Variants in XKR9 observed in about 807,000 individuals in gnomAD.
The protein encoded by XKR9 is XK-related protein 9.
A neutral mutation model predicts 32.0 loss-of-function variants in XKR9; 32 were observed. That is an observed-to-expected ratio of 1.00 (90% CI 0.76 to 1.34). The LOEUF (loss-of-function observed/expected upper bound fraction) is 1.34. Among genes scored for constraint, XKR9 ranks in the 40% most tolerant of loss-of-function variants. The pLI is 0.00. For synonymous variants in XKR9, 168 were observed against 143.4 expected (o/e 1.17, Z -1.22); for missense variants, 546 against 429.7 (o/e 1.27, Z -2.39).
the XKR9 span, among the ~76,000 whole-genome samples, chr8:71,054,457 C>A: frequency 6.6e-6 from 1 of 152,170 alleles, no homozygotes; most frequent in Non-Finnish European, 1.5e-5. Context: ...CATCTCTGCT[C>A]TGAGGTGATG....
the XKR9 span, among the ~76,000 whole-genome samples, chr8:70,885,887 C>T: frequency 2.6e-4 from 40 of 151,680 alleles, no homozygotes; most frequent in African/African-American, 4.6e-4. Context: ...TGAGCCATTG[C>T]GCCCGGACTT....
intron 2 of XKR9, among the ~76,000 whole-genome samples, chr8:70,756,360 T>G (rs761326757): frequency 1.3e-5 from 2 of 152,234 alleles, no homozygotes; most frequent in Non-Finnish European, 2.9e-5. Flanking sequence ...CCCTTGCAAT[T>G]TCATATGAAT....
At chr8:70,775,450 T>C (rs1807505882) in intron 2 of XKR9, among the ~76,000 whole-genome samples, 1 of 152,124 alleles carries the variant, frequency 6.6e-6, no homozygotes. Context: ...GCTGTAGATA[T>C]TTAGTAGATA....
chr8:70,896,191 GT>G, the XKR9 span, among the ~76,000 whole-genome samples: 9 of 151,854 alleles, frequency 5.9e-5, no homozygotes, highest in Non-Finnish European at 1.3e-4. Context: ...TCTTTTTCTG[GT>G]TTTGATATTA....
At chr8:70,811,412 C>G in the XKR9 span, among the ~76,000 whole-genome samples, 59 of 152,220 alleles carry the variant, frequency 3.9e-4, no homozygotes, top group South Asian at 3.7e-3. Context: ...CATTCAAAAG[C>G]TAGCAGAAGG....
chr8:70,974,736 A>G, the XKR9 span, among the ~76,000 whole-genome samples: 2 of 152,172 alleles, frequency 1.3e-5, no homozygotes, highest in Admixed American at 6.5e-5. Flanking sequence ...ATGATTTATA[A>G]TCCTTTGGGT....
At chr8:70,776,176 G>T (rs1194099724) in intron 2 of XKR9, among the ~76,000 whole-genome samples, 1 of 152,072 alleles carries the variant, frequency 6.6e-6, no homozygotes, top group Admixed American at 6.6e-5. Context: ...CTCTTTGCAA[G>T]TGAAGTCATC....
the XKR9 span, among the ~76,000 whole-genome samples, chr8:71,048,098 T>A: frequency 6.6e-6 from 1 of 151,994 alleles, no homozygotes; most frequent in Non-Finnish European, 1.5e-5. Context: ...TGTGAGGGAG[T>A]GACTGAAAAA....
the XKR9 span, among the ~76,000 whole-genome samples, chr8:71,015,517 CT>C: frequency 4.3e-4 from 66 of 152,226 alleles, no homozygotes; most frequent in African/African-American, 1.5e-3. Context: ...CAAAATGTGT[CT>C]TGATTTGGTC....
chr8:70,889,131 G>T, the XKR9 span, among the ~76,000 whole-genome samples: 1 of 151,088 alleles, frequency 6.6e-6, no homozygotes, highest in Non-Finnish European at 1.5e-5. Context: ...TCTTTCATCA[G>T]TGTTTTATAG....
chr8:71,030,688 C>A, the XKR9 span, among the ~76,000 whole-genome samples: 1 of 152,176 alleles, frequency 6.6e-6, no homozygotes, highest in South Asian at 2.1e-4. Context: ...AGTTTAGGCA[C>A]TTAACCCTTG....
the XKR9 span, among the ~76,000 whole-genome samples, chr8:70,831,700 G>A: frequency 6.6e-6 from 1 of 152,062 alleles, no homozygotes; most frequent in Non-Finnish European, 1.5e-5. Context: ...TTTCATAGAT[G>A]TTTAGATCCA....
chr8:70,865,635 A>G, the XKR9 span, among the ~76,000 whole-genome samples: 278 of 152,292 alleles, frequency 1.8e-3, no homozygotes, highest in Non-Finnish European at 3.0e-3. Context: ...GAATCAGTTC[A>G]GAGTGATGGA....
chr8:70,941,286 G>T, the XKR9 span, among the ~76,000 whole-genome samples: 1 of 152,052 alleles, frequency 6.6e-6, no homozygotes, highest in Non-Finnish European at 1.5e-5. Flanking sequence ...ACACATTGTA[G>T]CATGTATCAA....
At chr8:70,689,647 T>C (rs1407605543) in intron 3 of XKR9, among the ~76,000 whole-genome samples, 5 of 151,958 alleles carry the variant, frequency 3.3e-5, no homozygotes, top group African/African-American at 4.8e-5. Context: ...TGTCTTTTGA[T>C]AGAGTTTGTA....
chr8:71,025,595 G>T, the XKR9 span, among the ~76,000 whole-genome samples: 61 of 152,312 alleles, frequency 4.0e-4, no homozygotes, highest in African/African-American at 1.4e-3. Flanking sequence ...TCTCTCTGTT[G>T]CCTTCTTCCC....
At chr8:70,876,908 T>C in the XKR9 span, among the ~76,000 whole-genome samples, 2 of 152,164 alleles carry the variant, frequency 1.3e-5, no homozygotes, top group Non-Finnish European at 2.9e-5. Context: ...AAAATAATAA[T>C]GTCGTACTGT....
At chr8:70,911,631 T>C in the XKR9 span, among the ~76,000 whole-genome samples, 24 of 152,306 alleles carry the variant, frequency 1.6e-4, no homozygotes, top group African/African-American at 5.5e-4. Flanking sequence ...ATTGTTCTGA[T>C]GGAGCATACA....
chr8:70,799,707 A>T, the XKR9 span, among the ~76,000 whole-genome samples: 1 of 151,930 alleles, frequency 6.6e-6, no homozygotes, highest in African/African-American at 2.4e-5. Context: ...TTGTATATTG[A>T]TTTTGTATCC....
Sources: gnomAD v4.1 joint callset for allele counts (sites outside exome capture counted in the v4.1 genomes callset) on GRCh38, gnomAD v4.1.1 for gene constraint, MANE v1.5 for transcripts, NCBI Gene and HGNC (gene_info 2026-07-23, HGNC 2026-07-21) for gene names.